The following NTRK2 variants were observed in gnomAD, a reference collection of about 807,000 sequenced individuals.
The protein encoded by NTRK2 is neurotrophic receptor tyrosine kinase 2.
In NTRK2, 13 loss-of-function variants were observed where a neutral mutation model predicts 94.5. The ratio of observed to expected loss-of-function variants is 0.14; its 90% CI spans 0.09 to 0.22. NTRK2 has a LOEUF of 0.22. NTRK2 is among the 10% of genes least tolerant of loss of function. The probability of loss-of-function intolerance (pLI) is 1.00; values close to 1 mark genes in which losing one functional copy is unlikely to be tolerated. For missense variants in NTRK2, 639 were observed against 1,071.2 expected (o/e 0.60, Z 5.63); for synonymous variants, 372 against 407.4 (o/e 0.91, Z 1.05).
chr9:84,706,527 G>GTTTT (rs71369141), intron 4 of NTRK2, among the ~76,000 whole-genome samples: 40 of 81,648 alleles, frequency 4.9e-4, no homozygotes, highest in East Asian at 7.7e-4. Context: ...TTTTGTTTTT[G>GTTTT]TTTTTTTTTT....
At chr9:84,800,097 A>T (rs1239160639) in intron 12 of NTRK2, among the ~76,000 whole-genome samples, 4 of 152,218 alleles carry the variant, frequency 2.6e-5, no homozygotes, top group Admixed American at 6.5e-5. Context: ...TCTCAGAAGC[A>T]AGCCTGGATA....
At chr9:84,867,610 C>T (rs1425239296) in intron 14 of NTRK2, among the ~76,000 whole-genome samples, 179 bp downstream of exon 14, 1 of 152,116 alleles carries the variant, frequency 6.6e-6, no homozygotes, top group African/African-American at 2.4e-5. Context: ...ATGGAATTCT[C>T]CGGGTGTGTC....
intron 12 of NTRK2, among the ~76,000 whole-genome samples, chr9:84,845,248 T>TACAC (rs1491253305): frequency 1.1e-5 from 1 of 87,368 alleles, no homozygotes; most frequent in African/African-American, 5.7e-5. Context: ...AAATGTGGTG[T>TACAC]ATACACACAC....
At chr9:84,783,646 G>A (rs1229171761) in intron 12 of NTRK2, among the ~76,000 whole-genome samples, 1 of 152,186 alleles carries the variant, frequency 6.6e-6, no homozygotes, top group African/African-American at 2.4e-5. Flanking sequence ...CAGAGTGTGA[G>A]AGTTGGGGAA....
chr9:84,829,841 T>C (rs1196554000), intron 12 of NTRK2, among the ~76,000 whole-genome samples: 1 of 152,254 alleles, frequency 6.6e-6, no homozygotes, highest in Non-Finnish European at 1.5e-5. Context: ...ACTCCTGGAC[T>C]GCTGCTGCCT....
chr9:85,010,137 A>G (rs549466228), intron 17 of NTRK2, among the ~76,000 whole-genome samples: 2 of 152,300 alleles, frequency 1.3e-5, no homozygotes, highest in African/African-American at 4.8e-5. Context: ...AATGCAGAGA[A>G]GCCTTTGCTT....
chr9:84,793,975 A>T (rs1216615179), intron 12 of NTRK2, among the ~76,000 whole-genome samples: 1 of 152,162 alleles, frequency 6.6e-6, no homozygotes, highest in Non-Finnish European at 1.5e-5. Context: ...TGCAGAAAAA[A>T]CTGTGCTGAC....
chr9:85,021,772 C>A lies in NTRK2; in HGVS notation c.*335C>A. 1 of 409,706 alleles carries A rather than the reference C, an allele frequency of 2.4e-6. No individual in the cohort carries two copies. Among genetic ancestry groups the A allele is most frequent in the Non-Finnish European group, 4.5e-6 (1 of 223,058 alleles). The allele number at this position is 409,706 out of a possible 1,614,324, so 25.4% of individuals were successfully genotyped here. A position where few individuals can be genotyped will look rare whatever the true frequency, so the allele number is the denominator to read the frequency against. ...TTGAATCAATCTGGCTTCTGCATTA[C>A]TATTAACTCTGCATAGACAAAGGCC... On this transcript the variant is annotated 3_prime_UTR_variant, in exon 19 of 19. Transcript: ENST00000277120.
intron 12 of NTRK2, among the ~76,000 whole-genome samples, chr9:84,848,883 T>C (rs2074609001): frequency 6.6e-6 from 1 of 152,206 alleles, no homozygotes; most frequent in South Asian, 2.1e-4. Context: ...GGAATAAAGG[T>C]GTGGCCTTCT....
At chr9:84,750,293 A>G (rs974529643) in intron 11 of NTRK2, among the ~76,000 whole-genome samples, 3 of 151,980 alleles carry the variant, frequency 2.0e-5, no homozygotes, top group African/African-American at 7.3e-5. Flanking sequence ...ACTGCCTTAG[A>G]CTAAGATCTT....
At chr9:84,866,912 C>A (rs2075622110) in intron 13 of NTRK2, among the ~76,000 whole-genome samples, 1 of 152,076 alleles carries the variant, frequency 6.6e-6, no homozygotes, top group African/African-American at 2.4e-5. Flanking sequence ...ATACATACTA[C>A]AATGTGGATG....
At chr9:84,844,026 G>A (rs915572872) in intron 12 of NTRK2, among the ~76,000 whole-genome samples, 5 of 152,222 alleles carry the variant, frequency 3.3e-5, no homozygotes, top group African/African-American at 7.2e-5. Flanking sequence ...TTGCTAGGGT[G>A]TAAGAGGGGA....
At chr9:84,685,836 G>A (rs533367439) in intron 2 of NTRK2, among the ~76,000 whole-genome samples, 25 of 152,206 alleles carry the variant, frequency 1.6e-4, no homozygotes, top group African/African-American at 4.1e-4. Flanking sequence ...GTTTCACATC[G>A]CAGCGTAGGT....
At chr9:84,845,843 T>A (rs1449138558) in intron 12 of NTRK2, among the ~76,000 whole-genome samples, 1 of 151,384 alleles carries the variant, frequency 6.6e-6, no homozygotes, top group African/African-American at 2.4e-5. Context: ...GGGTGATGGG[T>A]GCACTAAAAT....
At chr9:84,871,788 G>A in intron 14 of NTRK2, 4 of 1,613,590 alleles carry the variant, frequency 2.5e-6, no homozygotes, top group Non-Finnish European at 3.4e-6. Context: ...CTTTATTGCA[G>A]GGCCCAGAGG....
rs7864264 is a variant in NTRK2 at position 85,024,557 on chromosome 9, T to C, written c.*3120T>C. On this transcript the variant is annotated 3_prime_UTR_variant, in exon 19 of 19. Coordinates refer to ENST00000277120, the MANE Select transcript of NTRK2 (RefSeq NM_006180.6). ...GTCTCCAGCCTAGCTTCCAGCACCA[T>C]TGGGACTGAATCCAAGTACTCTCAC... The C allele has an allele frequency of 0.55, 126,878 of 232,596 alleles. 35,491 individuals carry two copies. The highest frequency in any genetic ancestry group is 0.62 in the Middle Eastern group (488 of 784). The allele number at this position is 232,596 out of a possible 1,614,324, so 14.4% of individuals were successfully genotyped here. A position where few individuals can be genotyped will look rare whatever the true frequency, so the allele number is the denominator to read the frequency against.
chr9:84,693,423 CAG>C (rs1438556605), intron 2 of NTRK2, among the ~76,000 whole-genome samples: 1 of 151,972 alleles, frequency 6.6e-6, no homozygotes, highest in African/African-American at 2.4e-5. Context: ...TTGGTGGGAA[CAG>C]ATAAGAAAAG....
At chr9:84,934,529 G>GCTACT (rs2078148467) in intron 15 of NTRK2, among the ~76,000 whole-genome samples, 1 of 152,186 alleles carries the variant, frequency 6.6e-6, no homozygotes, top group South Asian at 2.1e-4. Flanking sequence ...AGAGCTCTGA[G>GCTACT]CTACTCTTCC....
At chr9:84,688,347 G>A (rs1191335114) in intron 2 of NTRK2, among the ~76,000 whole-genome samples, 1 of 152,160 alleles carries the variant, frequency 6.6e-6, no homozygotes, top group African/African-American at 2.4e-5. Flanking sequence ...GTGCTATGAC[G>A]ATGATGCTCT....
Sources: allele counts gnomAD v4.1 joint callset (sites outside exome capture counted in the v4.1 genomes callset), GRCh38; gene constraint gnomAD v4.1.1; transcripts MANE v1.5; gene names NCBI Gene and HGNC (gene_info 2026-07-23, HGNC 2026-07-21).